Variants in IGSF11 observed in about 807,000 individuals in gnomAD.
IGSF11 encodes the protein immunoglobulin superfamily member 11, also known as CXADR like 1.
IGSF11 carries 22 observed loss-of-function variants against 41.0 expected under a neutral mutation model. The observed-to-expected ratio is 0.54, with a 90% CI of 0.38 to 0.77. IGSF11 has a LOEUF of 0.77. IGSF11 is among the 30% of genes least tolerant of loss of function. IGSF11 has a pLI of 0.00. For synonymous variants in IGSF11, 219 were observed against 201.3 expected, an observed-to-expected ratio of 1.09 and a Z score of -0.74; for missense variants, 444 against 530.8, an observed-to-expected ratio of 0.84 and a Z score of 1.61.
rs530897198 is a variant in IGSF11 at position 118,977,312 on chromosome 3, T to G, written c.53-47037A>C. Among the ~76,000 whole-genome samples the G allele has an allele frequency of 2.6e-4, 39 of 152,338 alleles. 4 individuals carry two copies. Among genetic ancestry groups the G allele is most frequent in the Admixed American group, 2.5e-3 (39 of 15,308 alleles). ...TGCCCTCAGACAGGCAGCAACAGCT[T>G]GCAGGGCCCTTGTGGCTAAGGGGCA... is the stretch of plus-strand genomic sequence containing the variant. On this transcript the variant is annotated intron_variant, in intron 1 of 6. Coordinates refer to ENST00000393775, the MANE Select transcript of IGSF11 (RefSeq NM_001015887.3).
intron 1 of IGSF11, among the ~76,000 whole-genome samples, 171 bp downstream of exon 1, chr3:119,034,360 C>G (rs1940719079): frequency 6.6e-6 from 1 of 152,208 alleles, no homozygotes; most frequent in Non-Finnish European, 1.5e-5. Flanking sequence ...CAGAAGCAGC[C>G]GCTGCAGGTG....
intron 1 of IGSF11, among the ~76,000 whole-genome samples, chr3:118,955,458 A>G (rs1194948091): frequency 6.6e-6 from 1 of 152,110 alleles, no homozygotes; most frequent in Non-Finnish European, 1.5e-5. Context: ...CAGGTATTAA[A>G]GTCTTTGAAC....
At chr3:119,128,493 A>G (rs556715414) in intron 1 of IGSF11, among the ~76,000 whole-genome samples, 2 of 152,336 alleles carry the variant, frequency 1.3e-5, no homozygotes, top group South Asian at 2.1e-4. Context: ...GGCGTGCTGT[A>G]TTCAGGAGAA....
intron 1 of IGSF11, among the ~76,000 whole-genome samples, chr3:119,028,224 T>C (rs1315456516): frequency 6.6e-6 from 1 of 152,124 alleles, no homozygotes; most frequent in African/African-American, 2.4e-5. Context: ...GTATAAATCA[T>C]GGCTGGGATA....
intron 1 of IGSF11, among the ~76,000 whole-genome samples, chr3:119,113,063 G>A (rs986071365): frequency 2.6e-5 from 4 of 152,156 alleles, no homozygotes; most frequent in African/African-American, 9.7e-5. Flanking sequence ...TCACTACCAT[G>A]AGAACAGCAA....
rs201691204 is a variant in IGSF11 at position 119,052,685 on chromosome 3, G to GA, written c.49+52458dup. Among the ~76,000 whole-genome samples the GA allele has an allele frequency of 3.0e-3, 425 of 140,948 alleles. 2 individuals carry two copies. The highest frequency in any genetic ancestry group is 9.2e-3 in the African/African-American group (356 of 38,598). 92.5% of individuals were successfully genotyped at this position (140,948 alleles called of 152,430 possible). ...AATACCAAAACCAGGAAAGGACACA[G>GA]AAAAAAAAAAAGAAACCTACAGACC... On this transcript the variant is annotated intron_variant, in intron 1 of 6. Transcript: ENST00000354673.
At position 118,902,731 on chromosome 3, in the gene IGSF11, G is replaced by T; in HGVS notation, c.1085C>A (p.Thr362Asn). ...CTTATGTTGACCCGGGACCAGATGG[G>T]TCCCATTAGCATAAATGGATGGTAT... ...ANIPSIYANG[T>N]HLVPGQHKTL... Residue 362 changes from threonine (T) to asparagine (N), a missense_variant, in exon 7 of 7, where the codon ACC becomes AAC. By Grantham distance (65) the Thr-to-Asn change is moderately conservative. This residue lies in a region of IGSF11 where 223 missense variants were observed against 226.2 expected (regional missense o/e 0.99). Transcript: ENST00000393775. 6.2e-7 allele frequency: 1 copy of T among 1,614,128 alleles called. No homozygotes were observed. The highest frequency in any genetic ancestry group is 8.5e-7 in the Non-Finnish European group (1 of 1,180,008).
At chr3:119,046,546 T>C (rs1337961559) in intron 1 of IGSF11, among the ~76,000 whole-genome samples, 1 of 151,446 alleles carries the variant, frequency 6.6e-6, no homozygotes, top group Non-Finnish European at 1.5e-5. Flanking sequence ...ATGGGGAGAA[T>C]GGAACCAAGT....
intron 1 of IGSF11, among the ~76,000 whole-genome samples, chr3:119,052,985 G>C (rs1256578840): frequency 6.6e-6 from 1 of 152,030 alleles, no homozygotes; most frequent in Non-Finnish European, 1.5e-5. Flanking sequence ...CAGCATACAA[G>C]GGACATACCT....
intron 4 of IGSF11, among the ~76,000 whole-genome samples, chr3:118,914,514 G>A (rs1424247576): frequency 8.6e-5 from 13 of 151,516 alleles, no homozygotes; most frequent in Non-Finnish European, 1.5e-4. Flanking sequence ...TGGAAAATCG[G>A]GTCACTCCCA....
rs1270956067 is a variant in IGSF11, at chr3:118,905,716, G to A, written c.583C>T (p.Gln195Ter). Reference sequence around the variant, plus strand: ...CGGATGGTGACTGTTCCCTGGACCTGGTCTGTCACAAAAATAATAACCGAG... The same window carrying A: ...CGGATGGTGACTGTTCCCTGGACCTAGTCTGTCACAAAAATAATAACCGAG... Reference protein sequence around the residue: ...LKLPPTATQDQVQGTVTIRNI... With the variant: ...LKLPPTATQD Residue 195 changes from glutamine to a stop codon, truncating the protein, a stop_gained and splice_region_variant, in exon 5 of 7, where the codon CAG becomes TAG. Transcript: ENST00000393775. LOFTEE classifies it high-confidence loss of function. 8 of 1,613,328 alleles carry A rather than the reference G, an allele frequency of 5.0e-6. No homozygotes were observed. The highest frequency in any genetic ancestry group is 1.3e-5 in the African/African-American group (1 of 74,880).
chr3:118,998,831 G>A (rs908007199), intron 1 of IGSF11, among the ~76,000 whole-genome samples: 11 of 151,868 alleles, frequency 7.2e-5, no homozygotes, highest in South Asian at 6.2e-4. Context: ...TATTTTATGC[G>A]GTTAAATTAA....
At chr3:119,102,215 T>C (rs2076950365) in intron 1 of IGSF11, among the ~76,000 whole-genome samples, 1 of 152,258 alleles carries the variant, frequency 6.6e-6, no homozygotes, top group African/African-American at 2.4e-5. Flanking sequence ...GTTTTCCATC[T>C]GCTATAAAAA....
At chr3:118,953,673 C>T (rs1220273460) in intron 1 of IGSF11, among the ~76,000 whole-genome samples, 1 of 152,124 alleles carries the variant, frequency 6.6e-6, no homozygotes, top group East Asian at 1.9e-4. Context: ...AGCATTTTTT[C>T]ATATGTGTGT....
At chr3:119,067,397 C>T (rs1280718483) in intron 1 of IGSF11, among the ~76,000 whole-genome samples, 1 of 152,210 alleles carries the variant, frequency 6.6e-6, no homozygotes, top group Non-Finnish European at 1.5e-5. Flanking sequence ...TCTGCCCTTC[C>T]AAGGTCCTCA....
At chr3:118,953,577 T>G (rs1944741853) in intron 1 of IGSF11, among the ~76,000 whole-genome samples, 1 of 152,124 alleles carries the variant, frequency 6.6e-6, no homozygotes, top group Non-Finnish European at 1.5e-5. Flanking sequence ...ATTTTTTGAT[T>G]TTTTTTATTA....
chr3:119,052,902 T>G (rs1056914687), intron 1 of IGSF11, among the ~76,000 whole-genome samples: 25 of 152,264 alleles, frequency 1.6e-4, no homozygotes, highest in African/African-American at 6.0e-4. Flanking sequence ...GGTCATATGA[T>G]CATCTCAACA....
At chr3:119,041,040 C>T (rs1046463138) in intron 1 of IGSF11, among the ~76,000 whole-genome samples, 1 of 151,884 alleles carries the variant, frequency 6.6e-6, no homozygotes, top group Admixed American at 6.6e-5. Flanking sequence ...ATGTTTATAA[C>T]AGAAAATATG....
intron 1 of IGSF11, among the ~76,000 whole-genome samples, chr3:119,070,877 A>T (rs535014893): frequency 2.6e-5 from 4 of 152,226 alleles, no homozygotes; most frequent in Non-Finnish European, 4.4e-5. Flanking sequence ...TGAACACAAC[A>T]TAGCTACTTT....
Sources: allele counts gnomAD v4.1 joint callset (sites outside exome capture counted in the v4.1 genomes callset), GRCh38; gene constraint gnomAD v4.1.1; regional missense constraint gnomAD v4.1.1; transcripts MANE v1.5; gene names NCBI Gene and HGNC (gene_info 2026-07-23, HGNC 2026-07-21).